DCLK3: variants seen among roughly 807,000 people sequenced by gnomAD.
The protein encoded by DCLK3 is serine/threonine-protein kinase DCLK3.
In DCLK3, 30 loss-of-function variants were observed where a neutral mutation model predicts 46.4. That is an observed-to-expected ratio of 0.65 (90% confidence interval 0.48 to 0.88). DCLK3 has a LOEUF of 0.88. DCLK3 is among the 40% of genes least tolerant of loss of function. The probability of loss-of-function intolerance (pLI) is 0.00; values close to 1 mark genes in which losing one functional copy is unlikely to be tolerated. For missense variants in DCLK3, 846 were observed against 907.1 expected (o/e 0.93, Z 0.87); for synonymous variants, 401 against 339.2 (o/e 1.18, Z -2.00).
At chr3:36,753,240 T>C (rs894120494) in intron 1 of DCLK3, among the ~76,000 whole-genome samples, 5 of 152,230 alleles carry the variant, frequency 3.3e-5, no homozygotes, top group Admixed American at 2.0e-4. Context: ...TTTCCTTTTT[T>C]TCCCCTCTGA....
In DCLK3 at chr3:36,713,922, G is replaced by A. The variant is rs987384270; in HGVS notation, c.*1406C>T. 6 of 152,296 alleles carry A rather than the reference G, an allele frequency of 3.9e-5. No individual in the cohort carries two copies. Among genetic ancestry groups the A allele is most frequent in the Non-Finnish European group, 7.3e-5 (5 of 68,142 alleles). The allele number at this position is 152,296 out of a possible 1,614,324, so 9.4% of individuals were successfully genotyped here. On this transcript the variant is annotated 3_prime_UTR_variant, in exon 5 of 5. Coordinates refer to ENST00000636136, the MANE Select transcript of DCLK3 (RefSeq NM_001394672.2). ...GGAGCTGAAAGGTGTCTCTTCCAGT[G>A]GAGGGTAATTCCTGTAGAGGGCTGA...
At chr3:36,733,572 T>G (rs1701224784) in intron 2 of DCLK3, among the ~76,000 whole-genome samples, 1 of 152,130 alleles carries the variant, frequency 6.6e-6, no homozygotes, top group Non-Finnish European at 1.5e-5. Context: ...GCTTCCCCAC[T>G]TCCTTCCCCA....
At chr3:36,727,655 T>C (rs566123110) in intron 2 of DCLK3, among the ~76,000 whole-genome samples, 67 of 152,266 alleles carry the variant, frequency 4.4e-4, no homozygotes, top group Admixed American at 3.3e-3. Flanking sequence ...TAAGCAGAAC[T>C]TGGTGGGGGG....
intron 1 of DCLK3, among the ~76,000 whole-genome samples, chr3:36,761,837 C>T (rs898774348): frequency 6.6e-6 from 1 of 152,156 alleles, no homozygotes; most frequent in Admixed American, 6.5e-5. Flanking sequence ...CTGCAGGCTG[C>T]AGGATTGAGA....
intron 2 of DCLK3, among the ~76,000 whole-genome samples, chr3:36,727,177 T>C (rs1011865807): frequency 1.4e-4 from 21 of 152,076 alleles, no homozygotes; most frequent in African/African-American, 4.1e-4. Flanking sequence ...TAATCCCAGC[T>C]ACTCAGGAGG....
At chr3:36,754,644 G>A (rs1397738309) in intron 1 of DCLK3, among the ~76,000 whole-genome samples, 1 of 152,186 alleles carries the variant, frequency 6.6e-6, no homozygotes, top group African/African-American at 2.4e-5. Flanking sequence ...ATATCTCAAA[G>A]AGAAAACCCA....
At chr3:36,723,084 C>A (rs1701081794) in intron 2 of DCLK3, among the ~76,000 whole-genome samples, 1 of 152,166 alleles carries the variant, frequency 6.6e-6, no homozygotes, top group Admixed American at 6.5e-5. Context: ...AAAGTCCAGA[C>A]TGAGGTGGTC....
In DCLK3 at chr3:36,737,512, G is replaced by T. The variant is rs779487369; in HGVS notation, c.1655C>A (p.Ala552Glu). 6.2e-7 allele frequency: 1 copy of T among 1,613,994 alleles called. No homozygotes were observed. Among genetic ancestry groups the T allele is most frequent in the Non-Finnish European group, 8.5e-7 (1 of 1,180,040 alleles). Reference sequence around the variant, plus strand: ...TCTGGACTTGTCAATGATCTTCATCGCATAGGCCTGCCTGGTCTCGCGGTG... The same window carrying T: ...TCTGGACTTGTCAATGATCTTCATCTCATAGGCCTGCCTGGTCTCGCGGTG... ...CRHRETRQAY[A>E]MKIIDKSRLK... Residue 552 changes from alanine (A) to glutamate (E), a missense_variant, in exon 2 of 5, where the codon GCG becomes GAG. By Grantham distance (107) the Ala-to-Glu change is moderately radical. This residue lies in a region of DCLK3 where 247 missense variants were observed against 322.8 expected (regional missense o/e 0.77). Transcript: ENST00000636136. The surrounding 1 kb of genome is among the most constrained non-coding windows in gnomAD (Gnocchi z 4.4).
chr3:36,739,551 C>T (rs528892490), intron 1 of DCLK3, among the ~76,000 whole-genome samples: 6 of 152,324 alleles, frequency 3.9e-5, no homozygotes, highest in African/African-American at 1.4e-4. Context: ...GCATCTTCCT[C>T]ATTCTCTCTT....
chr3:36,751,268 G>A (rs1227809812), intron 1 of DCLK3, among the ~76,000 whole-genome samples: 1 of 152,100 alleles, frequency 6.6e-6, no homozygotes, highest in Non-Finnish European at 1.5e-5. Flanking sequence ...GACCCACAAA[G>A]CTTCAGCAGT....
At chr3:36,752,206 G>C (rs1320566349) in intron 1 of DCLK3, among the ~76,000 whole-genome samples, 1 of 152,214 alleles carries the variant, frequency 6.6e-6, no homozygotes, top group Non-Finnish European at 1.5e-5. Flanking sequence ...ATGGACAGGG[G>C]TGTGGGGAGG....
chr3:36,743,355 C>T (rs1050210612), intron 1 of DCLK3, among the ~76,000 whole-genome samples: 2 of 151,594 alleles, frequency 1.3e-5, no homozygotes, highest in African/African-American at 4.8e-5. Context: ...CACTTTTGGT[C>T]CCAAGCATTT....
intron 1 of DCLK3, among the ~76,000 whole-genome samples, chr3:36,751,061 T>TAAAAAAAA (rs1559394234): frequency 3.5e-5 from 1 of 28,230 alleles, no homozygotes. Context: ...GACGGGATGA[T>TAAAAAAAA]CTAAAAAAAA....
At chr3:36,720,071 C>T (rs572583555) in intron 3 of DCLK3, among the ~76,000 whole-genome samples, 7 of 152,128 alleles carry the variant, frequency 4.6e-5, no homozygotes, top group Admixed American at 3.3e-4. Context: ...TGGGGCCTGG[C>T]GGGAAGTGAT....
chr3:36,749,155 A>G (rs1701417775), intron 1 of DCLK3, among the ~76,000 whole-genome samples: 1 of 152,056 alleles, frequency 6.6e-6, no homozygotes, highest in Admixed American at 6.5e-5. Context: ...TTTAATCCCA[A>G]TTGTCTGTTG....
chr3:36,717,788 T>C (rs897268314), intron 4 of DCLK3, among the ~76,000 whole-genome samples: 1 of 152,220 alleles, frequency 6.6e-6, no homozygotes, highest in Non-Finnish European at 1.5e-5. Flanking sequence ...GGAAAAGTAC[T>C]TGGTGACTGT....
chr3:36,737,047 T>C lies in DCLK3; in HGVS notation c.1959+161A>G, dbSNP rs1701271599. Reference sequence around the variant, plus strand: ...AAAACTAATTTATCTCAGCAACTTATGACCTATAACCATAGTTTTAAATAC... The same window carrying C: ...AAAACTAATTTATCTCAGCAACTTACGACCTATAACCATAGTTTTAAATAC... On this transcript the variant is annotated intron_variant, in intron 2 of 4. Transcript: ENST00000636136. The surrounding 1 kb of genome is among the most constrained non-coding windows in gnomAD (Gnocchi z 4.4). Among the ~76,000 whole-genome samples the C allele has an allele frequency of 2.0e-5, 3 of 152,254 alleles. No individual in the cohort carries two copies. The highest frequency in any genetic ancestry group is 6.5e-5 in the Admixed American group (1 of 15,288).
At position 36,731,798 on chromosome 3, in the gene DCLK3, CCTT is replaced by C. The variant is rs145589519; in HGVS notation, c.1959+5407_1959+5409del. Among the ~76,000 whole-genome samples the C allele has an allele frequency of 4.9e-3, 744 of 152,240 alleles. 6 individuals carry two copies. Among genetic ancestry groups the C allele is most frequent in the African/African-American group, 0.017 (712 of 41,524 alleles). On this transcript the variant is annotated intron_variant, in intron 2 of 4. Transcript: ENST00000636136. ...GGACCATGGCTGCGGACTCCTCACTCCTTCTTTTCTCCCTCCCCTCACATAAAC... is the reference window on the plus strand; with the variant it reads ...GGACCATGGCTGCGGACTCCTCACTCCTTTTCTCCCTCCCCTCACATAAAC...
chr3:36,746,713 C>G (rs1339574462), intron 1 of DCLK3, among the ~76,000 whole-genome samples: 1 of 152,254 alleles, frequency 6.6e-6, no homozygotes, highest in African/African-American at 2.4e-5. Flanking sequence ...GAGTTTTTCC[C>G]TGCTGTCACT....
Sources: gnomAD v4.1 joint callset for allele counts (sites outside exome capture counted in the v4.1 genomes callset) on GRCh38, gnomAD v4.1.1 for gene constraint, gnomAD v4.1.1 regional missense constraint, Gnocchi (gnomAD v3.1) non-coding constraint, MANE v1.5 for transcripts, NCBI Gene and HGNC (gene_info 2026-07-23, HGNC 2026-07-21) for gene names.